Variants in RTN1 observed in about 807,000 individuals in gnomAD.
RTN1 encodes the protein reticulon 1.
A neutral mutation model predicts 65.5 loss-of-function variants in RTN1; 25 were observed. The ratio of observed to expected loss-of-function variants is 0.38; its 90% CI spans 0.28 to 0.53. RTN1 has a LOEUF of 0.53. Ranked by LOEUF, RTN1 falls within the 20% of genes least tolerant of loss-of-function variation. The probability of loss-of-function intolerance (pLI) is 0.79; values close to 1 mark genes in which losing one functional copy is unlikely to be tolerated. For missense variants in RTN1, 983 were observed against 1,025.4 expected (o/e 0.96, Z 0.57); for synonymous variants, 471 against 447.6 (o/e 1.05, Z -0.66).
chr14:59,864,590 C>A (rs1887766321), intron 1 of RTN1, among the ~76,000 whole-genome samples: 1 of 151,880 alleles, frequency 6.6e-6, no homozygotes. Context: ...AGGCTTTTAT[C>A]TGTCCTTTTC....
intron 2 of RTN1, among the ~76,000 whole-genome samples, chr14:59,740,235 C>A (rs1359413344): frequency 6.6e-6 from 1 of 152,174 alleles, no homozygotes; most frequent in Non-Finnish European, 1.5e-5. Flanking sequence ...CAATAAATAG[C>A]ACTCATATGA....
chr14:59,852,758 T>C (rs888432616), intron 1 of RTN1, among the ~76,000 whole-genome samples: 2 of 152,200 alleles, frequency 1.3e-5, no homozygotes, highest in African/African-American at 4.8e-5. Flanking sequence ...GGCTTAGTAA[T>C]CCTCTGAGAG....
chr14:59,712,578 C>G (rs1237130174), intron 3 of RTN1, among the ~76,000 whole-genome samples: 1 of 152,206 alleles, frequency 6.6e-6, no homozygotes, highest in Non-Finnish European at 1.5e-5. Flanking sequence ...TGCAAACTTA[C>G]TAACTGAAAT....
intron 3 of RTN1, among the ~76,000 whole-genome samples, chr14:59,674,352 G>A (rs1883575185): frequency 6.6e-6 from 1 of 152,112 alleles, no homozygotes; most frequent in Non-Finnish European, 1.5e-5. Context: ...CTCCAGGCAT[G>A]GACTAGATGC....
intron 3 of RTN1, among the ~76,000 whole-genome samples, chr14:59,637,142 ACTCT>A (rs1882682241): frequency 6.6e-6 from 1 of 152,080 alleles, no homozygotes; most frequent in Non-Finnish European, 1.5e-5. Flanking sequence ...AAACTCTGCC[ACTCT>A]CTATCAACTA....
intron 8 of RTN1, among the ~76,000 whole-genome samples, chr14:59,597,864 T>G (rs1484867766): frequency 6.6e-6 from 1 of 151,992 alleles, no homozygotes; most frequent in African/African-American, 2.4e-5. Context: ...GAGGACAAGC[T>G]GGCGGCAAGG....
At chr14:59,721,542 C>T (rs1393786768) in intron 3 of RTN1, among the ~76,000 whole-genome samples, 1 of 152,108 alleles carries the variant, frequency 6.6e-6, no homozygotes, top group East Asian at 1.9e-4. Context: ...TCTGTAGTTT[C>T]GAGGTGGGGG....
intron 1 of RTN1, among the ~76,000 whole-genome samples, chr14:59,864,873 T>C (rs748038718): frequency 3.3e-5 from 5 of 151,688 alleles, no homozygotes; most frequent in Admixed American, 1.3e-4. Context: ...AACAGATTTA[T>C]CTTGTTGCTT....
At chr14:59,709,972 C>T (rs2139456408) in intron 3 of RTN1, among the ~76,000 whole-genome samples, 2 of 149,224 alleles carry the variant, frequency 1.3e-5, no homozygotes, top group Middle Eastern at 6.8e-3. Flanking sequence ...ATTTTATTTC[C>T]CTCCCTCCCT....
chr14:59,735,690 A>G (rs1197970930), intron 2 of RTN1, among the ~76,000 whole-genome samples: 1 of 152,230 alleles, frequency 6.6e-6, no homozygotes, highest in East Asian at 1.9e-4. Context: ...AGAGCTAACT[A>G]TCCTAAATAC....
chr14:59,791,342 T>A (rs1332752608), intron 1 of RTN1, among the ~76,000 whole-genome samples: 1 of 152,164 alleles, frequency 6.6e-6, no homozygotes, highest in Non-Finnish European at 1.5e-5. Context: ...ATATGTTCAG[T>A]CTGACAGTTG....
At chr14:59,856,364 G>A (rs1409474183) in intron 1 of RTN1, among the ~76,000 whole-genome samples, 1 of 152,196 alleles carries the variant, frequency 6.6e-6, no homozygotes, top group Admixed American at 6.5e-5. Context: ...TGTACTGGCG[G>A]GTAGCAGGAG....
chr14:59,618,057 T>C (rs968359581), intron 3 of RTN1, among the ~76,000 whole-genome samples: 1 of 146,672 alleles, frequency 6.8e-6, no homozygotes, highest in African/African-American at 2.7e-5. Context: ...ACTAACTCCA[T>C]CTTGCTTCTA....
At chr14:59,808,635 AC>A (rs1215735085) in intron 1 of RTN1, among the ~76,000 whole-genome samples, 1 of 152,122 alleles carries the variant, frequency 6.6e-6, no homozygotes, top group Admixed American at 6.5e-5. Flanking sequence ...CTGTGTCCCC[AC>A]CCAAGTCTCA....
At chr14:59,659,923 C>T (rs1032949175) in intron 3 of RTN1, among the ~76,000 whole-genome samples, 9 of 150,652 alleles carry the variant, frequency 6.0e-5, no homozygotes, top group Non-Finnish European at 1.3e-4. Context: ...GCTAAATGCC[C>T]CAATTAAAAG....
chr14:59,823,312 T>TTGTCA (rs1220728948), intron 1 of RTN1, among the ~76,000 whole-genome samples: 2 of 152,102 alleles, frequency 1.3e-5, no homozygotes, highest in Non-Finnish European at 2.9e-5. Context: ...AAAGACTGTT[T>TTGTCA]TGTCAGAAAT....
intron 1 of RTN1, among the ~76,000 whole-genome samples, chr14:59,778,522 A>T (rs1886095444): frequency 6.6e-6 from 1 of 152,194 alleles, no homozygotes; most frequent in Admixed American, 6.6e-5. Context: ...TGCTCACTGC[A>T]TGCTTTGTTC....
At chr14:59,784,438 T>C (rs1430464788) in intron 1 of RTN1, among the ~76,000 whole-genome samples, 1 of 140,204 alleles carries the variant, frequency 7.1e-6, no homozygotes, top group Non-Finnish European at 1.5e-5. Context: ...CGAAACTCCG[T>C]CTCAGAAAAA....
chr14:59,739,609 G>T (rs1329032596), intron 2 of RTN1, among the ~76,000 whole-genome samples: 6 of 151,996 alleles, frequency 3.9e-5, no homozygotes, highest in Non-Finnish European at 7.4e-5. Flanking sequence ...CAGGGCAATT[G>T]TTGAATTATG....
Sources: gnomAD v4.1 joint callset for allele counts (sites outside exome capture counted in the v4.1 genomes callset) on GRCh38, gnomAD v4.1.1 for gene constraint, MANE v1.5 for transcripts, NCBI Gene and HGNC (gene_info 2026-07-23, HGNC 2026-07-21) for gene names.